Variants in SAXO1 observed in about 807,000 individuals in gnomAD.
SAXO1 encodes stabilizer of axonemal microtubules 1.
Under a neutral mutation model 17.5 loss-of-function variants are expected in SAXO1, and 21 were observed. The ratio of observed to expected loss-of-function variants is 1.20; its 90% CI spans 0.85 to 1.72. The LOEUF (loss-of-function observed/expected upper bound fraction) is 1.72. Ranked by LOEUF, SAXO1 falls within the 40% of genes most tolerant of loss-of-function variation. The pLI, the probability that SAXO1 is intolerant of heterozygous loss-of-function variation, is 0.00. For missense variants in SAXO1, 843 were observed against 596.0 expected (o/e 1.41, Z -4.32); for synonymous variants, 274 against 216.5 (o/e 1.27, Z -2.33).
At chr9:19,011,795 C>G (rs1834739071) in intron 1 of SAXO1, among the ~76,000 whole-genome samples, 1 of 151,610 alleles carries the variant, frequency 6.6e-6, no homozygotes, top group African/African-American at 2.4e-5. Context: ...CCTCTTCTTT[C>G]TCAAATTCCA....
intron 1 of SAXO1, among the ~76,000 whole-genome samples, chr9:19,028,615 T>C (rs1835619463): frequency 6.6e-6 from 1 of 152,240 alleles, no homozygotes; most frequent in Non-Finnish European, 1.5e-5. Flanking sequence ...TCTGCTTTTT[T>C]GGTGCTGATT....
intron 1 of SAXO1, among the ~76,000 whole-genome samples, chr9:18,976,743 A>T (rs1460173982): frequency 6.6e-6 from 1 of 152,246 alleles, no homozygotes; most frequent in East Asian, 1.9e-4. Flanking sequence ...TTCATTTTCC[A>T]ACGAGGACAT....
Position 19,031,570 on chromosome 9 carries a change from A to G in SAXO1, c.38+1301T>C, listed in dbSNP as rs796700226. 5.4e-4 allele frequency among the ~76,000 whole-genome samples: 83 copies of G among 152,328 alleles called. 1 individual carries two copies. Among genetic ancestry groups the G allele is most frequent in the African/African-American group, 1.9e-3 (78 of 41,566 alleles). The stretch of plus-strand genomic sequence containing the variant: ...AGCAAGACACTGCCTCCAAAAAGAA[A>G]AAAGAAAGGCGGCCTTAGAAAAAAA... On this transcript the variant is annotated intron_variant, in intron 1 of 3. Transcript: ENST00000380534.
chr9:18,974,816 G>T (rs1423790787), intron 1 of SAXO1, among the ~76,000 whole-genome samples: 1 of 152,212 alleles, frequency 6.6e-6, no homozygotes, highest in African/African-American at 2.4e-5. Context: ...CAACCATGGT[G>T]GTGACAGTGG....
At chr9:19,045,807 G>T (rs545036602) in intron 1 of SAXO1, among the ~76,000 whole-genome samples, 3 of 152,274 alleles carry the variant, frequency 2.0e-5, no homozygotes, top group African/African-American at 7.2e-5. Context: ...AACAAATAAG[G>T]AAAGTTTCTA....
At chr9:19,022,738 T>C (rs1457806767) in intron 1 of SAXO1, among the ~76,000 whole-genome samples, 1 of 152,212 alleles carries the variant, frequency 6.6e-6, no homozygotes, top group Non-Finnish European at 1.5e-5. Flanking sequence ...ATAGTCTAGA[T>C]ATTTAAAATA....
intron 1 of SAXO1, among the ~76,000 whole-genome samples, chr9:19,017,179 G>C (rs995785444): frequency 6.6e-6 from 1 of 151,564 alleles, no homozygotes; most frequent in East Asian, 1.9e-4. Flanking sequence ...AAAGAAGAGA[G>C]AAAGAAAAAG....
intron 1 of SAXO1, among the ~76,000 whole-genome samples, chr9:18,966,413 T>C (rs1282099748): frequency 6.6e-6 from 1 of 152,246 alleles, no homozygotes; most frequent in African/African-American, 2.4e-5. Flanking sequence ...TACAGTCCCA[T>C]ATTTCTTGAA....
At chr9:19,032,635 C>T (rs1835815737) in intron 1 of SAXO1, among the ~76,000 whole-genome samples, 1 of 152,186 alleles carries the variant, frequency 6.6e-6, no homozygotes, top group Admixed American at 6.5e-5. Flanking sequence ...CATTTTCAAC[C>T]CTCCTGCAGT....
intron 1 of SAXO1, among the ~76,000 whole-genome samples, chr9:19,010,475 T>C (rs1000186092): frequency 4.1e-5 from 6 of 147,668 alleles, no homozygotes; most frequent in African/African-American, 1.3e-4. Flanking sequence ...TCCATATTTC[T>C]AGGAAAAAAA....
chr9:18,997,624 T>C (rs943178120), intron 1 of SAXO1, among the ~76,000 whole-genome samples: 11 of 152,234 alleles, frequency 7.2e-5, no homozygotes, highest in African/African-American at 2.7e-4. Context: ...TCTCCCAGCA[T>C]GGCATTCAAG....
At chr9:18,980,848 C>T (rs1168634158) in intron 1 of SAXO1, among the ~76,000 whole-genome samples, 2 of 143,618 alleles carry the variant, frequency 1.4e-5, no homozygotes, top group African/African-American at 5.3e-5. Flanking sequence ...TCATCGAGAA[C>T]CCTCACCGCT....
intron 1 of SAXO1, among the ~76,000 whole-genome samples, chr9:18,975,087 G>A (rs1833085077): frequency 6.6e-6 from 1 of 152,140 alleles, no homozygotes; most frequent in Non-Finnish European, 1.5e-5. Flanking sequence ...ACTTGAATCA[G>A]GTGTTGAAGG....
At chr9:19,001,351 A>G (rs1446861260) in intron 1 of SAXO1, among the ~76,000 whole-genome samples, 5 of 152,206 alleles carry the variant, frequency 3.3e-5, no homozygotes, top group African/African-American at 1.2e-4. Context: ...CTGGGTACAT[A>G]ACGAAATGAA....
chr9:18,995,189 T>C (rs2131851422), intron 1 of SAXO1, among the ~76,000 whole-genome samples: 1 of 152,320 alleles, frequency 6.6e-6, no homozygotes, highest in Middle Eastern at 3.4e-3. Flanking sequence ...TATTTCCCTG[T>C]CTAAAAACCT....
At chr9:18,992,894 G>A (rs1442392666) in intron 1 of SAXO1, among the ~76,000 whole-genome samples, 1 of 151,958 alleles carries the variant, frequency 6.6e-6, no homozygotes, top group Non-Finnish European at 1.5e-5. Flanking sequence ...TCTACCTCCT[G>A]GGTTCAAGTG....
intron 1 of SAXO1, among the ~76,000 whole-genome samples, chr9:19,021,532 G>C (rs1563986603): frequency 6.6e-6 from 1 of 152,142 alleles, no homozygotes; most frequent in South Asian, 2.1e-4. Context: ...CTCTGGACCT[G>C]AAAAAACACC....
intron 3 of SAXO1, among the ~76,000 whole-genome samples, chr9:18,936,835 T>C (rs1436841200): frequency 6.6e-6 from 1 of 152,190 alleles, no homozygotes; most frequent in Non-Finnish European, 1.5e-5. Flanking sequence ...TTTGAAAATG[T>C]CACAAATTAC....
chr9:19,037,337 T>A (rs1835966645), upstream of SAXO1, among the ~76,000 whole-genome samples: 2 of 152,146 alleles, frequency 1.3e-5, no homozygotes, highest in African/African-American at 2.4e-5. Flanking sequence ...GACATGAGAT[T>A]TGGAGGGACC....
Sources: allele counts gnomAD v4.1 joint callset (sites outside exome capture counted in the v4.1 genomes callset), GRCh38; gene constraint gnomAD v4.1.1; transcripts MANE v1.5; gene names NCBI Gene and HGNC (gene_info 2026-07-23, HGNC 2026-07-21).